The following ARL6 variants were observed in gnomAD, a reference collection of about 807,000 sequenced individuals.
ARL6 encodes the protein ARF like GTPase 6, also known as ADP-ribosylation factor-like protein 6.
Under a neutral mutation model 27.1 loss-of-function variants are expected in ARL6, and 18 were observed. The ratio of observed to expected loss-of-function variants is 0.66; its 90% CI spans 0.46 to 0.98. ARL6 has a LOEUF of 0.98. Ranked by LOEUF, ARL6 falls within the 50% of genes least tolerant of loss-of-function variation. The probability of loss-of-function intolerance (pLI) is 0.00; values close to 1 mark genes in which losing one functional copy is unlikely to be tolerated. For synonymous variants in ARL6, 65 were observed against 72.3 expected, an observed-to-expected ratio of 0.90 and a Z score of 0.51; for missense variants, 187 against 214.9, an observed-to-expected ratio of 0.87 and a Z score of 0.81.
chr3:97,774,161 G>A (rs775231230), intron 2 of ARL6, among the ~76,000 whole-genome samples: 5 of 152,184 alleles, frequency 3.3e-5, no homozygotes, highest in Admixed American at 1.3e-4. Context: ...TTAGCTTGTT[G>A]ACTTAAAGGT....
chr3:97,790,993 G>A (rs2037705902), intron 6 of ARL6, among the ~76,000 whole-genome samples: 1 of 151,918 alleles, frequency 6.6e-6, no homozygotes, highest in Non-Finnish European at 1.5e-5. Flanking sequence ...CTTTTAAAAA[G>A]ATTATCTGAT....
At chr3:97,786,333 CAA>C (rs746671505) in intron 5 of ARL6, among the ~76,000 whole-genome samples, 2 of 133,830 alleles carry the variant, frequency 1.5e-5, no homozygotes, top group African/African-American at 2.8e-5. Context: ...GACTCTGTCT[CAA>C]AAAAAAAAAC....
At chr3:97,796,022 C>A (rs1334283681) in intron 7 of ARL6, among the ~76,000 whole-genome samples, 1 of 152,086 alleles carries the variant, frequency 6.6e-6, no homozygotes, top group Non-Finnish European at 1.5e-5. Context: ...TATTGGAGAT[C>A]CCAAGGAAAT....
At chr3:97,780,470 T>C in intron 3 of ARL6, 145 bp from the exon 4 acceptor site, 2 of 754,534 alleles carry the variant, frequency 2.7e-6, no homozygotes, top group South Asian at 3.5e-5. Flanking sequence ...TTAATACATT[T>C]ATTTCATAGA....
chr3:97,775,562 T>C (rs1040936341), intron 2 of ARL6, among the ~76,000 whole-genome samples: 1 of 152,166 alleles, frequency 6.6e-6, no homozygotes, highest in African/African-American at 2.4e-5. Context: ...ACTCAAATGT[T>C]AATCTCCTTT....
chr3:97,778,893 C>T (rs1042352374), intron 2 of ARL6, among the ~76,000 whole-genome samples: 4 of 151,186 alleles, frequency 2.6e-5, no homozygotes, highest in Non-Finnish European at 5.9e-5. Context: ...TGAGATAGAA[C>T]CAAAAAGCTT....
rs755672623 is a variant in ARL6, at chr3:97,785,043, C to A, written c.343C>A (p.His115Asn). Residue 115 changes from histidine (H) to asparagine (N), a missense_variant, in exon 5 of 8, where the codon CAT becomes AAT. Physicochemically the swap from His to Asn is moderately conservative, Grantham distance 68. Coordinates refer to ENST00000463745, the MANE Select transcript of ARL6 (RefSeq NM_001278293.3). ...AGAAGAACTCGATACTCTTCTGAAT[C>A]ATCCAGGTATGTGTGTGTCTTTCAG... ...AKEELDTLLNHPDIKHRRIPI... is the reference protein window; with the variant it reads ...AKEELDTLLNNPDIKHRRIPI... 6.2e-7 allele frequency: 1 copy of A among 1,611,332 alleles called. No homozygotes were observed. The highest frequency in any genetic ancestry group is 8.5e-7 in the Non-Finnish European group (1 of 1,177,802).
intron 7 of ARL6, among the ~76,000 whole-genome samples, chr3:97,794,177 T>TTGTGTA (rs1553695797): frequency 1.5e-5 from 2 of 137,382 alleles, no homozygotes; most frequent in Non-Finnish European, 3.1e-5. Flanking sequence ...TTTCTTTCTT[T>TTGTGTA]TGTGTGTGTG....
At chr3:97,773,978 G>A (rs905876079) in intron 2 of ARL6, among the ~76,000 whole-genome samples, 26 of 152,160 alleles carry the variant, frequency 1.7e-4, no homozygotes, top group African/African-American at 6.3e-4. Context: ...CTGCCAGATT[G>A]GGCTGTTGTA....
chr3:97,770,179 A>G (rs1024890665), intron 2 of ARL6, among the ~76,000 whole-genome samples: 1 of 152,052 alleles, frequency 6.6e-6, no homozygotes, highest in Non-Finnish European at 1.5e-5. Flanking sequence ...CCTTTTCTAC[A>G]TCTTCACCAG....
At chr3:97,791,466 G>T in intron 6 of ARL6, 1 of 347,400 alleles carries the variant, frequency 2.9e-6, no homozygotes, top group Non-Finnish European at 5.3e-6. Context: ...TAGGATAGTG[G>T]GCTGTACAAA....
chr3:97,776,355 C>T (rs1038478163), intron 2 of ARL6, among the ~76,000 whole-genome samples: 17 of 152,164 alleles, frequency 1.1e-4, no homozygotes, highest in African/African-American at 4.1e-4. Flanking sequence ...TTGTGGAAAG[C>T]ACATAGTTGG....
rs566725778 is a variant in ARL6, at chr3:97,785,743, C to G, written c.349+694C>G. Among the ~76,000 whole-genome samples the G allele has an allele frequency of 2.0e-5, 3 of 152,166 alleles. No individual in the cohort carries two copies. In the East Asian group the frequency reaches 5.8e-4, roughly 29 times the overall value. On this transcript the variant is annotated intron_variant, in intron 5 of 7. Transcript: ENST00000463745. ...TTAATCATTCACCTGTTGATGTATA[C>G]TTTCCTCCCGCCCAAGCCCCCACTA...
At chr3:97,792,184 A>G (rs1263555883) in intron 7 of ARL6, among the ~76,000 whole-genome samples, 1 of 152,204 alleles carries the variant, frequency 6.6e-6, no homozygotes. Flanking sequence ...ATAAGTCTGA[A>G]TGACATGTTT....
chr3:97,797,104 A>G (rs1003867615), intron 7 of ARL6, among the ~76,000 whole-genome samples: 2 of 152,150 alleles, frequency 1.3e-5, no homozygotes, highest in Non-Finnish European at 2.9e-5. Flanking sequence ...ATTAATGGAG[A>G]CCCTAGAATG....
intron 3 of ARL6, 98 bp from the exon 4 acceptor site, chr3:97,780,517 A>G (rs1264090990): frequency 2.1e-6 from 2 of 959,838 alleles, no homozygotes; most frequent in African/African-American, 1.6e-5. Context: ...TGAATATTGC[A>G]TATGAAGGGT....
intron 4 of ARL6, among the ~76,000 whole-genome samples, chr3:97,783,882 G>T (rs919969440): frequency 6.6e-6 from 1 of 151,772 alleles, no homozygotes; most frequent in Non-Finnish European, 1.5e-5. Context: ...TTATTGAAAA[G>T]AATGATGATA....
In ARL6 at chr3:97,798,087, A is replaced by G; in HGVS notation, c.*38A>G. 4 of 1,592,310 alleles carry G rather than the reference A, an allele frequency of 2.5e-6. No homozygotes were observed. The highest frequency in any genetic ancestry group is 3.4e-6 in the Non-Finnish European group (4 of 1,160,278). ...TGGAAACCTCAGCAATTTTCAATTC[A>G]AGGAATCTATCTAAGACAAATAGAA... On this transcript the variant is annotated 3_prime_UTR_variant, in exon 8 of 8. Transcript: ENST00000463745.
rs530843518 is a variant in ARL6, at chr3:97,782,825, TAA to T, written c.255-2119_255-2118del. ...TTTGCTATATATATAACCATAGTAGTAAAAAAAAAAAATCAAGGAAATTTACA... is the reference window on the plus strand; with the variant it reads ...TTTGCTATATATATAACCATAGTAGTAAAAAAAAAATCAAGGAAATTTACA... On this transcript the variant is annotated intron_variant, in intron 4 of 7. Coordinates refer to ENST00000463745, the MANE Select transcript of ARL6 (RefSeq NM_001278293.3). Among the ~76,000 whole-genome samples the T allele has an allele frequency of 3.5e-5, 5 of 144,802 alleles. 1 individual carries two copies. The highest frequency in any genetic ancestry group is 5.0e-5 in the African/African-American group (2 of 40,042). The allele number at this position is 144,802 out of a possible 152,430, so 95.0% of individuals were successfully genotyped here. A position where few individuals can be genotyped will look rare whatever the true frequency, so the allele number is the denominator to read the frequency against.
Sources: allele counts gnomAD v4.1 joint callset (sites outside exome capture counted in the v4.1 genomes callset), GRCh38; gene constraint gnomAD v4.1.1; transcripts MANE v1.5; gene names NCBI Gene and HGNC (gene_info 2026-07-23, HGNC 2026-07-21).